The following NSUN6 variants were observed in gnomAD, a reference collection of about 807,000 sequenced individuals.
NSUN6 encodes NOP2/Sun RNA methyltransferase 6.
A neutral mutation model predicts 58.0 loss-of-function variants in NSUN6; 64 were observed. The observed-to-expected ratio is 1.10, with a 90% CI of 0.90 to 1.36. The LOEUF (loss-of-function observed/expected upper bound fraction) is 1.36, where lower values mean the gene tolerates loss of function less well. Among genes scored for constraint, NSUN6 ranks in the 40% most tolerant of loss-of-function variants. The pLI, the probability that NSUN6 is intolerant of heterozygous loss-of-function variation, is 0.00. For synonymous variants in NSUN6, 231 were observed against 193.9 expected, an observed-to-expected ratio of 1.19 and a Z score of -1.59; for missense variants, 701 against 550.1, an observed-to-expected ratio of 1.27 and a Z score of -2.74.
At chr10:18,600,972 A>ATATG (rs1181942061) in intron 6 of NSUN6, among the ~76,000 whole-genome samples, 159 of 113,884 alleles carry the variant, frequency 1.4e-3, no homozygotes, top group Admixed American at 8.1e-3. Flanking sequence ...ATATATATAT[A>ATATG]TATATGTATA....
chr10:18,562,411 G>C lies in NSUN6; in HGVS notation c.923-10440C>G, dbSNP rs567985165. On this transcript the variant is annotated intron_variant, in intron 8 of 10. Transcript: ENST00000377304. Reference sequence around the variant, plus strand: ...AATAGAAGGGAATGGAGAACGGAATGGAATGGAGAATGGAATGGAATGCGG... The same window carrying C: ...AATAGAAGGGAATGGAGAACGGAATCGAATGGAGAATGGAATGGAATGCGG... 1.0e-3 allele frequency among the ~76,000 whole-genome samples: 151 copies of C among 150,584 alleles called. 7 individuals carry two copies. The highest frequency in any genetic ancestry group is 3.7e-3 in the African/African-American group (149 of 40,760).
At chr10:18,652,168 T>C, upstream of NSUN6, 1 of 985,356 alleles carries the variant, frequency 1.0e-6, no homozygotes, top group Non-Finnish European at 1.2e-6. Flanking sequence ...TAACTGCTAC[T>C]TGTATCATAG....
upstream of NSUN6, chr10:18,652,367 T>A: frequency 1.0e-5 from 10 of 983,508 alleles, no homozygotes; most frequent in Non-Finnish European, 1.2e-5. Flanking sequence ...CAGCACACCA[T>A]GGTAATTTAC....
intron 6 of NSUN6, among the ~76,000 whole-genome samples, chr10:18,600,626 A>C (rs2057767305): frequency 1.3e-5 from 2 of 151,354 alleles, no homozygotes; most frequent in Non-Finnish European, 2.9e-5. Context: ...TAAAACAAAA[A>C]AAGAGAAGAG....
At chr10:18,574,174 T>C (rs910569289) in intron 8 of NSUN6, among the ~76,000 whole-genome samples, 1 of 152,102 alleles carries the variant, frequency 6.6e-6, no homozygotes, top group Admixed American at 6.6e-5. Flanking sequence ...CAGTCACTTG[T>C]GGATGGCCTC....
intron 8 of NSUN6, among the ~76,000 whole-genome samples, chr10:18,559,718 G>T (rs1010079248): frequency 6.7e-6 from 1 of 150,260 alleles, no homozygotes; most frequent in Non-Finnish European, 1.5e-5. Context: ...AGAATGAAAT[G>T]GAATGGACAA....
chr10:18,640,592 AAGAGCAGCTTCC>A lies in NSUN6; in HGVS notation c.311+1872_311+1883del, dbSNP rs375938594. Among the ~76,000 whole-genome samples, 11 of 152,284 alleles carry A rather than the reference AAGAGCAGCTTCC, an allele frequency of 7.2e-5. No individual in the cohort carries two copies. In the East Asian group the frequency reaches 2.1e-3, roughly 29 times the overall value. On this transcript the variant is annotated intron_variant, in intron 3 of 10. Transcript: ENST00000377304. Reference sequence around the variant, plus strand: ...AAAACTAAGAGATGATAGAAATCAGAAGAGCAGCTTCCTGGTAGGGTAGCTGAGTACAAGAGA... The same window carrying A: ...AAAACTAAGAGATGATAGAAATCAGATGGTAGGGTAGCTGAGTACAAGAGA...
At chr10:18,556,312 G>GGAGAATGGAATGGAAAA (rs139597390) in intron 8 of NSUN6, among the ~76,000 whole-genome samples, 3 of 149,826 alleles carry the variant, frequency 2.0e-5, no homozygotes, top group African/African-American at 7.4e-5. Context: ...GGAATGCAAT[G>GGAGAATGGAATGGAAAA]GAGAATGGAA....
At chr10:18,606,698 G>A (rs189730956) in intron 6 of NSUN6, among the ~76,000 whole-genome samples, 1 of 152,192 alleles carries the variant, frequency 6.6e-6, no homozygotes, top group Non-Finnish European at 1.5e-5. Flanking sequence ...ATTCTATTCT[G>A]TAATTCTGAA....
chr10:18,634,267 G>A (rs1178498897), intron 3 of NSUN6, among the ~76,000 whole-genome samples: 1 of 152,194 alleles, frequency 6.6e-6, no homozygotes, highest in Non-Finnish European at 1.5e-5. Flanking sequence ...ACCAGCAGCT[G>A]AGAAAATAAA....
intron 3 of NSUN6, among the ~76,000 whole-genome samples, chr10:18,630,342 G>T (rs966784685): frequency 1.3e-5 from 2 of 150,204 alleles, no homozygotes; most frequent in Non-Finnish European, 3.0e-5. Context: ...ACAATTAAAA[G>T]AACTAGAAAA....
chr10:18,554,946 G>GAATGGAATGA (rs2054875161), intron 8 of NSUN6, among the ~76,000 whole-genome samples: 7 of 151,158 alleles, frequency 4.6e-5, no homozygotes. Flanking sequence ...GAATGGAATG[G>GAATGGAATGA]AATGAAATGA....
chr10:18,646,499 C>G (rs1417645251), intron 2 of NSUN6, among the ~76,000 whole-genome samples: 1 of 151,984 alleles, frequency 6.6e-6, no homozygotes, highest in Non-Finnish European at 1.5e-5. Flanking sequence ...CTTGTATATC[C>G]AGACTAGGAT....
rs146502484 is a variant in NSUN6, at chr10:18,576,907, T to C, written c.922+9042A>G. The stretch of plus-strand genomic sequence containing the variant: ...AACCAGAGGAAGAAAAAATAGGACA[T>C]TGTAAGCAAGAGAAGCCCCTTATGG... On this transcript the variant is annotated intron_variant, in intron 8 of 10. Transcript: ENST00000377304. 6.4e-3 allele frequency among the ~76,000 whole-genome samples: 974 copies of C among 152,248 alleles called. 14 individuals are homozygous for C. Among genetic ancestry groups the C allele is most frequent in the African/African-American group, 0.022 (905 of 41,544 alleles).
At position 18,546,228 on chromosome 10, in the gene NSUN6, T is replaced by G; in HGVS notation, c.1198-83A>C. ...GCTACAATTTAAGTTAAAAGACAAA[T>G]TGGGCTGTAACGACTACATCTTCCA... On this transcript the variant is annotated intron_variant, in intron 10 of 10. Transcript: ENST00000377304. 2 of 984,492 alleles carry G rather than the reference T, an allele frequency of 2.0e-6. 1 individual carries two copies. Among genetic ancestry groups the G allele is most frequent in the South Asian group, 2.6e-5 (2 of 77,232 alleles). 61.0% of individuals were successfully genotyped at this position (984,492 alleles called of 1,614,324 possible).
intron 8 of NSUN6, among the ~76,000 whole-genome samples, chr10:18,565,479 T>C (rs201983864): frequency 6.7e-6 from 1 of 149,184 alleles, no homozygotes; most frequent in Non-Finnish European, 1.5e-5. Flanking sequence ...GTCTCCATTC[T>C]ATTCCATTCC....
upstream of NSUN6, chr10:18,652,600 G>GCC: frequency 2.1e-6 from 2 of 935,822 alleles, no homozygotes; most frequent in Non-Finnish European, 2.5e-6. Flanking sequence ...AGTCTCTGTC[G>GCC]CCCAGACTGG....
At chr10:18,586,485 G>A (rs1424214637) in intron 7 of NSUN6, among the ~76,000 whole-genome samples, 7 of 151,512 alleles carry the variant, frequency 4.6e-5, no homozygotes, top group South Asian at 2.1e-4. Flanking sequence ...AAGGTGGCGC[G>A]TCTGCAGTTG....
intron 6 of NSUN6, among the ~76,000 whole-genome samples, chr10:18,608,744 G>T (rs1313255450): frequency 5.3e-5 from 8 of 151,918 alleles, no homozygotes; most frequent in South Asian, 2.1e-4. Flanking sequence ...AGGAGTGCAG[G>T]TATCACTAGC....
Sources: gnomAD v4.1 joint callset for allele counts (sites outside exome capture counted in the v4.1 genomes callset) on GRCh38, gnomAD v4.1.1 for gene constraint, MANE v1.5 for transcripts, NCBI Gene and HGNC (gene_info 2026-07-23, HGNC 2026-07-21) for gene names.